Variants in TANC1 observed in about 807,000 individuals in gnomAD.
TANC1 encodes tetratricopeptide repeat, ankyrin repeat and coiled-coil containing 1, also known as protein TANC1.
TANC1 carries 77 observed loss-of-function variants against 149.7 expected under a neutral mutation model. The observed-to-expected ratio is 0.51, with a 90% CI of 0.43 to 0.62. The LOEUF is 0.62. Ranked by LOEUF, TANC1 falls within the 20% of genes least tolerant of loss-of-function variation. TANC1 has a pLI of 0.00. For missense variants in TANC1, 1,985 were observed against 2,321.8 expected, an observed-to-expected ratio of 0.85 and a Z score of 2.98; for synonymous variants, 854 against 925.0, an observed-to-expected ratio of 0.92 and a Z score of 1.39.
At chr2:159,154,848 A>G (rs761502393) in intron 7 of TANC1, among the ~76,000 whole-genome samples, 1 of 152,222 alleles carries the variant, frequency 6.6e-6, no homozygotes, top group Non-Finnish European at 1.5e-5. Flanking sequence ...GTGAAACCCA[A>G]CTGTACCCAA....
chr2:159,187,059 A>T (rs1192353912), intron 16 of TANC1, 35 bp downstream of exon 16: 2 of 1,609,732 alleles, frequency 1.2e-6, no homozygotes, highest in African/African-American at 2.7e-5. Flanking sequence ...CCGGAGACCC[A>T]GCCCTGGCCG....
chr2:159,018,448 C>T (rs772254775), intron 2 of TANC1, among the ~76,000 whole-genome samples: 2 of 151,766 alleles, frequency 1.3e-5, no homozygotes, highest in African/African-American at 4.9e-5. Context: ...CAAAATTATG[C>T]AGGCTACAGT....
intron 6 of TANC1, 128 bp downstream of exon 6, chr2:159,149,400 T>G (rs1208462938): frequency 7.3e-7 from 1 of 1,378,726 alleles, no homozygotes; most frequent in East Asian, 2.4e-5. Flanking sequence ...TGTTGTGTAT[T>G]GAAATTTATT....
chr2:159,030,843 C>A (rs972335120), intron 2 of TANC1, among the ~76,000 whole-genome samples: 1 of 152,172 alleles, frequency 6.6e-6, no homozygotes, highest in African/African-American at 2.4e-5. Flanking sequence ...GGGCTTGGAA[C>A]CCCCATCTCA....
intron 1 of TANC1, among the ~76,000 whole-genome samples, chr2:158,972,333 C>T (rs2033010209): frequency 6.6e-6 from 1 of 152,182 alleles, no homozygotes; most frequent in African/African-American, 2.4e-5. Context: ...GGTGAGTATT[C>T]CTTTTTTTGG....
intron 2 of TANC1, among the ~76,000 whole-genome samples, chr2:159,062,991 A>AAAAAAAAAAAAAAAAAAAAAAAAAG (rs1553534848): frequency 2.0e-5 from 3 of 147,090 alleles, no homozygotes; most frequent in Non-Finnish European, 4.5e-5. Flanking sequence ...AAAAAAAAAA[A>AAAAAAAAAAAAAAAAAAAAAAAAAG]AAAAGAAAGC....
chr2:159,179,599 C>T (rs1416302733), intron 14 of TANC1, among the ~76,000 whole-genome samples: 1 of 152,142 alleles, frequency 6.6e-6, no homozygotes, highest in East Asian at 1.9e-4. Flanking sequence ...CCTCCACTCC[C>T]CTGCCACCCC....
Position 159,185,908 on chromosome 2 carries a change from C to T in TANC1, c.2619+9C>T. On this transcript the variant is annotated intron_variant, in intron 15 of 26. Coordinates refer to ENST00000263635, the MANE Select transcript of TANC1 (RefSeq NM_033394.3). ...AGGCGCACATTTTCAAGGTGAGATG[C>T]ACACCAACTTGGGGAAGGGTTTCTT... 6.3e-7 allele frequency: 1 copy of T among 1,586,934 alleles called. No individual in the cohort carries two copies. The highest frequency in any genetic ancestry group is 1.7e-5 in the Admixed American group (1 of 59,950).
At chr2:159,019,620 T>A (rs936985138) in intron 2 of TANC1, among the ~76,000 whole-genome samples, 1 of 150,460 alleles carries the variant, frequency 6.6e-6, no homozygotes, top group Non-Finnish European at 1.5e-5. Context: ...CTTGATGATC[T>A]TTGCTTCCCT....
At chr2:159,062,992 A>AAAAAAAAAAAAAAG (rs1559188236) in intron 2 of TANC1, among the ~76,000 whole-genome samples, 1 of 147,410 alleles carries the variant, frequency 6.8e-6, no homozygotes, top group African/African-American at 2.5e-5. Flanking sequence ...AAAAAAAAAA[A>AAAAAAAAAAAAAAG]AAAGAAAGCA....
chr2:159,198,657 A>G (rs1180662241), intron 18 of TANC1, among the ~76,000 whole-genome samples: 1 of 152,222 alleles, frequency 6.6e-6, no homozygotes, highest in Non-Finnish European at 1.5e-5. Context: ...CAGAAACTGC[A>G]CTTTGTGTGA....
At chr2:159,205,614 A>G (rs1035890911) in intron 19 of TANC1, among the ~76,000 whole-genome samples, 15 of 152,234 alleles carry the variant, frequency 9.9e-5, no homozygotes, top group Admixed American at 5.9e-4. Context: ...TTTAGGAGCA[A>G]AAGGCTGTAC....
rs768018035 is a variant in TANC1, at chr2:159,224,376, C to T, written c.3811+12C>T. 9.3e-6 allele frequency: 15 copies of T among 1,613,960 alleles called. No homozygotes were observed. The highest frequency in any genetic ancestry group is 1.6e-4 in the Middle Eastern group (1 of 6,084). On this transcript the variant is annotated intron_variant, in intron 23 of 26. Coordinates refer to ENST00000263635, the MANE Select transcript of TANC1 (RefSeq NM_033394.3). ...GGGAGCCAAGTTAGGTCAGTGAGCA[C>T]TGCCTCCATTGAGCAGGAGGAGCGG...
Position 159,224,386 on chromosome 2 carries a change from T to C in TANC1, c.3811+22T>C, listed in dbSNP as rs1392005787. The C allele has an allele frequency of 1.9e-6, 3 of 1,613,838 alleles. No homozygotes were observed. In the Admixed American group the frequency reaches 5.0e-5, roughly 27 times the overall value. On this transcript the variant is annotated intron_variant, in intron 23 of 26. Transcript: ENST00000263635. ...TTAGGTCAGTGAGCACTGCCTCCAT[T>C]GAGCAGGAGGAGCGGTGAGCTCCCG... is the stretch of plus-strand genomic sequence containing the variant.
intron 3 of TANC1, among the ~76,000 whole-genome samples, chr2:159,070,412 CATT>C (rs745606719): frequency 3.9e-5 from 6 of 152,286 alleles, no homozygotes; most frequent in East Asian, 1.9e-4. Flanking sequence ...TACATTGACA[CATT>C]ATTATCACCC....
intron 1 of TANC1, among the ~76,000 whole-genome samples, chr2:158,993,717 G>T (rs1209190819): frequency 6.6e-6 from 1 of 152,008 alleles, no homozygotes; most frequent in Admixed American, 6.6e-5. Context: ...CTTTTGTCCT[G>T]AATTCTCTCC....
chr2:159,081,680 CT>C lies in TANC1; in HGVS notation c.61+15717del, dbSNP rs550978527. Among the ~76,000 whole-genome samples the C allele has an allele frequency of 4.5e-4, 69 of 152,046 alleles. 1 individual carries two copies. Among genetic ancestry groups the C allele is most frequent in the Middle Eastern group, 3.4e-3 (1 of 292 alleles). On this transcript the variant is annotated intron_variant, in intron 3 of 26. Transcript: ENST00000263635. The stretch of plus-strand genomic sequence containing the variant: ...AGTTGTCTGTAACTTTGCTTATATG[CT>C]TTTTTTTCCTTTTGTATTTTAAAGT...
chr2:159,065,767 A>T (rs1205958075), intron 2 of TANC1, 129 bp from the exon 3 acceptor site: 4 of 616,554 alleles, frequency 6.5e-6, no homozygotes, highest in Non-Finnish European at 1.1e-5. Context: ...AAATTAATGT[A>T]AGGCTTAGGG....
chr2:159,078,393 G>T (rs576432658), intron 3 of TANC1, among the ~76,000 whole-genome samples: 1 of 152,302 alleles, frequency 6.6e-6, no homozygotes, highest in East Asian at 1.9e-4. Flanking sequence ...GCAAATGTGT[G>T]TCTTGTTTAA....
Sources: allele counts gnomAD v4.1 joint callset (sites outside exome capture counted in the v4.1 genomes callset), GRCh38; gene constraint gnomAD v4.1.1; transcripts MANE v1.5; gene names NCBI Gene and HGNC (gene_info 2026-07-23, HGNC 2026-07-21).